The following PLEKHA3 variants were observed in gnomAD, a reference collection of about 807,000 sequenced individuals.
The protein encoded by PLEKHA3 is pleckstrin homology domain containing A3.
In PLEKHA3, 19 loss-of-function variants were observed where a neutral mutation model predicts 39.2. The ratio of observed to expected loss-of-function variants is 0.48; its 90% CI spans 0.34 to 0.71. PLEKHA3 has a LOEUF of 0.71. Ranked by LOEUF, PLEKHA3 falls within the 30% of genes least tolerant of loss-of-function variation. The pLI is 0.01. For missense variants in PLEKHA3, 253 were observed against 359.5 expected (o/e 0.70, Z 2.40); for synonymous variants, 97 against 118.6 (o/e 0.82, Z 1.18).
At chr2:178,502,424 AGAG>A in intron 7 of PLEKHA3, 1 of 404,362 alleles carries the variant, frequency 2.5e-6, no homozygotes, top group Non-Finnish European at 4.9e-6. Context: ...CTGGAAGAGA[AGAG>A]GAGGAGAGGA....
chr2:178,487,441 T>C (rs1685267791), intron 2 of PLEKHA3, among the ~76,000 whole-genome samples: 1 of 151,870 alleles, frequency 6.6e-6, no homozygotes, highest in Non-Finnish European at 1.5e-5. Flanking sequence ...TTTTCTTTTC[T>C]TTTTTTGTTT....
At chr2:178,502,125 G>T (rs1356374058) in intron 7 of PLEKHA3, among the ~76,000 whole-genome samples, 2 of 151,758 alleles carry the variant, frequency 1.3e-5, no homozygotes, top group East Asian at 3.9e-4. Flanking sequence ...TGATTAAGCT[G>T]GAGTTGTTTT....
At chr2:178,491,176 A>C (rs1436379291) in intron 3 of PLEKHA3, among the ~76,000 whole-genome samples, 2 of 151,712 alleles carry the variant, frequency 1.3e-5, no homozygotes, top group Non-Finnish European at 2.9e-5. Context: ...ATGCCTGGCT[A>C]ATTTTTGTAT....
chr2:178,502,895 A>G (rs968610877), intron 7 of PLEKHA3, among the ~76,000 whole-genome samples: 1 of 151,862 alleles, frequency 6.6e-6, no homozygotes, highest in Non-Finnish European at 1.5e-5. Flanking sequence ...CAGAAATTTT[A>G]TCCTTAGATT....
At chr2:178,492,350 G>A (rs1685360650) in intron 3 of PLEKHA3, among the ~76,000 whole-genome samples, 1 of 151,770 alleles carries the variant, frequency 6.6e-6, no homozygotes, top group South Asian at 2.1e-4. Flanking sequence ...TTCATTGGTA[G>A]AGGAATGGAT....
intron 1 of PLEKHA3, among the ~76,000 whole-genome samples, chr2:178,482,414 C>T (rs1489227447): frequency 6.6e-6 from 1 of 151,914 alleles, no homozygotes; most frequent in Non-Finnish European, 1.5e-5. Context: ...TAGTGCACAC[C>T]TGTAGTCCCA....
In PLEKHA3 at chr2:178,493,997, G is replaced by A. The variant is rs200138699; in HGVS notation, c.450+8G>A. ...TCATCTCCTAGTGCAGAGGTAGAGC[G>A]AAGAGGATCTCTTCACGTGTGGTTA... On this transcript the variant is annotated splice_region_variant and intron_variant, in intron 4 of 7. Coordinates refer to ENST00000234453, the MANE Select transcript of PLEKHA3 (RefSeq NM_019091.4). 38 of 1,612,656 alleles carry A rather than the reference G, an allele frequency of 2.4e-5. No homozygotes were observed. In the African/African-American group the frequency reaches 3.9e-4, roughly 16 times the overall value.
rs1420139907 is a variant in PLEKHA3, at chr2:178,510,066, G to A, written c.*6179G>A. On this transcript the variant is annotated 3_prime_UTR_variant, in exon 8 of 8. Transcript: ENST00000234453. ...ATTTTTGTATTTTTAATAGAGATGG[G>A]GTTTCATCATATTAGTCAGGCTGGT... The A allele has an allele frequency of 6.6e-6, 1 of 152,074 alleles. No homozygotes were observed. Among genetic ancestry groups the A allele is most frequent in the African/African-American group, 2.4e-5 (1 of 41,396 alleles). 9.4% of individuals were successfully genotyped at this position (152,074 alleles called of 1,614,324 possible). A position where few individuals can be genotyped will look rare whatever the true frequency, so the allele number is the denominator to read the frequency against.
In PLEKHA3 at chr2:178,480,824, C is replaced by T. The variant is rs1175667594; in HGVS notation, c.-46C>T. 3.8e-6 allele frequency: 5 copies of T among 1,313,132 alleles called. No homozygotes were observed. The highest frequency in any genetic ancestry group is 3.9e-6 in the Non-Finnish European group (4 of 1,021,676). 81.3% of individuals were successfully genotyped at this position (1,313,132 alleles called of 1,614,324 possible). ...AGGCCCTGCGCCTACCCCATCACCG[C>T]GGCCGGCGCCGGGCCGGGAGGATGC... On this transcript the variant is annotated 5_prime_UTR_variant, in exon 1 of 8. Coordinates refer to ENST00000234453, the MANE Select transcript of PLEKHA3 (RefSeq NM_019091.4).
chr2:178,482,618 A>G (rs1293097093), intron 1 of PLEKHA3, among the ~76,000 whole-genome samples: 2 of 151,848 alleles, frequency 1.3e-5, no homozygotes, highest in African/African-American at 2.4e-5. Flanking sequence ...TCTCATTGCA[A>G]GTGTTCCTAA....
In PLEKHA3 at chr2:178,480,898, A is replaced by C. The variant is rs896271767; in HGVS notation, c.29A>C (p.Asn10Thr). 2.3e-6 allele frequency: 3 copies of C among 1,312,310 alleles called. No individual in the cohort carries two copies. The highest frequency in any genetic ancestry group is 2.9e-6 in the Non-Finnish European group (3 of 1,021,368). 81.3% of individuals were successfully genotyped at this position (1,312,310 alleles called of 1,614,324 possible). ...GAGGGGGTGTTGTACAAGTGGACCA[A>C]CTATCTCACAGGTATGGGGGCTCGT... MEGVLYKWT[N>T]YLTGWQPRWF... Residue 10 changes from asparagine to threonine, a missense_variant, in exon 1 of 8, where the codon AAC becomes ACC. This residue lies in a region of PLEKHA3 where 126 missense variants were observed against 222.7 expected (regional missense o/e 0.57). Coordinates refer to ENST00000234453, the MANE Select transcript of PLEKHA3 (RefSeq NM_019091.4).
In PLEKHA3 at chr2:178,493,840, A is replaced by G. The variant is rs1685397607; in HGVS notation, c.314-13A>G. ...AAATGATCTAACTGTATATTTATGTATATTCTTTTCAGAAATAAGTGAAAC... is the reference window on the plus strand; with the variant it reads ...AAATGATCTAACTGTATATTTATGTGTATTCTTTTCAGAAATAAGTGAAAC... On this transcript the variant is annotated splice_polypyrimidine_tract_variant and intron_variant, in intron 3 of 7. Coordinates refer to ENST00000234453, the MANE Select transcript of PLEKHA3 (RefSeq NM_019091.4). 1.9e-6 allele frequency: 3 copies of G among 1,607,440 alleles called. No homozygotes were observed. The highest frequency in any genetic ancestry group is 2.2e-5 in the South Asian group (2 of 90,558).
chr2:178,489,171 G>GT (rs1451591165), intron 2 of PLEKHA3, among the ~76,000 whole-genome samples: 1 of 152,170 alleles, frequency 6.6e-6, no homozygotes, highest in Non-Finnish European at 1.5e-5. Context: ...GAGTTCAGTA[G>GT]TTTTACCCTA....
chr2:178,499,976 G>A (rs1448708360), intron 6 of PLEKHA3, among the ~76,000 whole-genome samples: 3 of 152,062 alleles, frequency 2.0e-5, no homozygotes, highest in Non-Finnish European at 2.9e-5. Context: ...CTGAGCTGTT[G>A]TTTCATTAAG....
At position 178,507,680 on chromosome 2, in the gene PLEKHA3, TTTTTTTTTTTTTTTG is replaced by T. The variant is rs1685625843; in HGVS notation, c.*3794_*3808del. On this transcript the variant is annotated 3_prime_UTR_variant, in exon 8 of 8. Transcript: ENST00000234453. ...TAGGTTTTTTTTTTTTTTTTTTTTTTTTTTTTTTTTTTTTGGCAAAGCTCCTCCACCAGTAACTTC... is the reference window on the plus strand; with the variant it reads ...TAGGTTTTTTTTTTTTTTTTTTTTTTGCAAAGCTCCTCCACCAGTAACTTC... The T allele has an allele frequency of 7.5e-6, 1 of 132,850 alleles. No individual in the cohort carries two copies. The highest frequency in any genetic ancestry group is 3.2e-5 in the African/African-American group (1 of 31,250). The allele number at this position is 132,850 out of a possible 1,614,324, so 8.2% of individuals were successfully genotyped here.
At chr2:178,485,276 C>T (rs1447382921) in intron 1 of PLEKHA3, among the ~76,000 whole-genome samples, 2 of 152,156 alleles carry the variant, frequency 1.3e-5, no homozygotes, top group African/African-American at 2.4e-5. Context: ...GTGGCTTTTC[C>T]CATAATATCG....
chr2:178,501,551 C>G (rs948358417), intron 7 of PLEKHA3, among the ~76,000 whole-genome samples: 3 of 151,944 alleles, frequency 2.0e-5, no homozygotes, highest in African/African-American at 4.8e-5. Context: ...AGCATTGTTA[C>G]TTTACTAAAA....
At chr2:178,482,175 A>G (rs1247003692) in intron 1 of PLEKHA3, among the ~76,000 whole-genome samples, 4 of 152,172 alleles carry the variant, frequency 2.6e-5, no homozygotes, top group Admixed American at 2.6e-4. Context: ...AGTTAGATAA[A>G]TATTTTTTAT....
chr2:178,486,381 A>G (rs764766578), intron 2 of PLEKHA3, among the ~76,000 whole-genome samples: 4 of 152,184 alleles, frequency 2.6e-5, no homozygotes, highest in Non-Finnish European at 5.9e-5. Context: ...AAAAGGACTG[A>G]ATTCTTCAAA....
Sources: gnomAD v4.1 joint callset for allele counts (sites outside exome capture counted in the v4.1 genomes callset) on GRCh38, gnomAD v4.1.1 for gene constraint, gnomAD v4.1.1 regional missense constraint, MANE v1.5 for transcripts, NCBI Gene and HGNC (gene_info 2026-07-23, HGNC 2026-07-21) for gene names.